The following ARHGEF37 variants were observed in gnomAD, a reference collection of about 807,000 sequenced individuals.
The protein encoded by ARHGEF37 is Rho guanine nucleotide exchange factor 37.
Under a neutral mutation model 71.1 loss-of-function variants are expected in ARHGEF37, and 55 were observed. That is an observed-to-expected ratio of 0.77 (90% CI 0.62 to 0.97). The LOEUF (loss-of-function observed/expected upper bound fraction) is 0.97. Ranked by LOEUF, ARHGEF37 falls within the 50% of genes least tolerant of loss-of-function variation. ARHGEF37 has a pLI of 0.00. For missense variants in ARHGEF37, 765 were observed against 836.8 expected (o/e 0.91, Z 1.06); for synonymous variants, 327 against 350.6 (o/e 0.93, Z 0.75).
At chr5:149,609,269 T>G (rs761915204) in intron 3 of ARHGEF37, among the ~76,000 whole-genome samples, 23 of 152,226 alleles carry the variant, frequency 1.5e-4, no homozygotes, top group Non-Finnish European at 3.2e-4. Context: ...TGAGCATTAT[T>G]AATATTCCTG....
chr5:149,601,073 C>T (rs1228469451), intron 2 of ARHGEF37, 35 bp from the exon 3 acceptor site: 4 of 1,596,508 alleles, frequency 2.5e-6, no homozygotes, highest in Non-Finnish European at 3.4e-6. Context: ...TATGGAACTC[C>T]CAACCACCTC....
At chr5:149,601,404 A>G (rs1169010453) in intron 3 of ARHGEF37, among the ~76,000 whole-genome samples, 173 bp downstream of exon 3, 2 of 152,144 alleles carry the variant, frequency 1.3e-5, no homozygotes, top group Non-Finnish European at 2.9e-5. Context: ...TCAAATAACA[A>G]CTAGTCCAGT....
chr5:149,575,136 C>T (rs1482975098), intron 1 of ARHGEF37, among the ~76,000 whole-genome samples: 2 of 152,220 alleles, frequency 1.3e-5, no homozygotes, highest in Non-Finnish European at 2.9e-5. Context: ...ACTGAACAAT[C>T]CATGCAGATC....
At position 149,609,527 on chromosome 5, in the gene ARHGEF37, T is replaced by C. The variant is rs781000529; in HGVS notation, c.311-21T>C. ...ACACAGACATGCCCTTGACGACCCC[T>C]TGTTGCGTCTTCACTCTCAGGTAAC... is the stretch of plus-strand genomic sequence containing the variant. On this transcript the variant is annotated intron_variant, in intron 3 of 12. Transcript: ENST00000333677. 1.7e-5 allele frequency: 28 copies of C among 1,613,238 alleles called. No individual in the cohort carries two copies. In the South Asian group the frequency reaches 2.7e-4, roughly 16 times the overall value.
At chr5:149,589,766 G>A (rs759317328) in intron 1 of ARHGEF37, among the ~76,000 whole-genome samples, 9 of 151,872 alleles carry the variant, frequency 5.9e-5, no homozygotes, top group South Asian at 2.1e-4. Context: ...TGATCCTCCC[G>A]TCTTGGCCTC....
Position 149,616,448 on chromosome 5 carries a change from G to T in ARHGEF37, c.459-119G>T. On this transcript the variant is annotated intron_variant, in intron 4 of 12. Transcript: ENST00000333677. ...ATGAGGAACTGGAGGATCGCAGAGA[G>T]GGGGTGACTTGCCTGAGATCACACA... is the stretch of plus-strand genomic sequence containing the variant. 4.5e-6 allele frequency: 4 copies of T among 892,998 alleles called. No individual in the cohort carries two copies. In the Admixed American group the frequency reaches 8.2e-5, roughly 18 times the overall value. 55.3% of individuals were successfully genotyped at this position (892,998 alleles called of 1,614,324 possible). A position where few individuals can be genotyped will look rare whatever the true frequency, so the allele number is the denominator to read the frequency against.
intron 1 of ARHGEF37, among the ~76,000 whole-genome samples, chr5:149,588,867 C>T (rs1449023236): frequency 6.6e-6 from 1 of 152,210 alleles, no homozygotes; most frequent in East Asian, 1.9e-4. Context: ...TCTGAAAGAA[C>T]TTTCAAATGA....
upstream of ARHGEF37, among the ~76,000 whole-genome samples, chr5:149,580,351 G>A (rs372043506): frequency 3.4e-4 from 52 of 152,090 alleles, no homozygotes; most frequent in Admixed American, 2.9e-3. Flanking sequence ...GTGAGCCACC[G>A]CGCCCGGCAC....
In ARHGEF37 at chr5:149,624,027, G is replaced by A. The variant is rs200439928; in HGVS notation, c.1351G>A (p.Val451Ile). Residue 451 changes from valine to isoleucine, a missense_variant, in exon 10 of 13, where the codon GTC (valine) becomes ATC (isoleucine). Physicochemically the swap from Val to Ile is conservative, Grantham distance 29. Around this residue, in one of 5 missense-constraint regions of ARHGEF37, gnomAD observed 390 missense variants for 407.4 expected, o/e 0.96. Transcript: ENST00000333677. ...CCCCACTTAGCTGCCCCACCACCAC[G>A]TCCCAGAGCCTGCCTTCAGGAAGCT... ...GSMAQLPHHH[V>I]PEPAFRKLVE... 1.8e-5 allele frequency: 29 copies of A among 1,600,514 alleles called. No individual in the cohort carries two copies. Among genetic ancestry groups the A allele is most frequent in the Middle Eastern group, 1.7e-4 (1 of 6,036 alleles).
rs1460630194 is a variant in ARHGEF37, at chr5:149,633,528, G to A, written c.*1337G>A. 6.6e-6 allele frequency: 1 copy of A among 152,266 alleles called. No individual in the cohort carries two copies. 9.4% of individuals were successfully genotyped at this position (152,266 alleles called of 1,614,324 possible). A position where few individuals can be genotyped will look rare whatever the true frequency, so the allele number is the denominator to read the frequency against. ...AGGAGGACTGACCTGCTGGGGCAAT[G>A]TTGGGTGCAGTGCAGTCCCTGCTTG... On this transcript the variant is annotated 3_prime_UTR_variant, in exon 13 of 13. Transcript: ENST00000333677.
chr5:149,627,329 C>T lies in ARHGEF37; in HGVS notation c.1660+58C>T, dbSNP rs566534454. 3.8e-5 allele frequency: 60 copies of T among 1,559,496 alleles called. No homozygotes were observed. In the East Asian group the frequency reaches 4.7e-4, roughly 12 times the overall value. ...TCGGGGAAAACCACCCCACAGAAGC[C>T]GGTGCAGAGACCCGGGCACTCTTGT... On this transcript the variant is annotated intron_variant, in intron 11 of 12. Transcript: ENST00000333677.
rs1341685421 is a variant in ARHGEF37, at chr5:149,632,193, G to A, written c.*2G>A. The A allele has an allele frequency of 1.2e-6, 2 of 1,613,846 alleles. No homozygotes were observed. Among genetic ancestry groups the A allele is most frequent in the Non-Finnish European group, 1.7e-6 (2 of 1,179,844 alleles). ...TGGGGCTGGAGTCTGCCCTCTTAGG[G>A]TACCCTCTTTGGAGCCTACATTGCC... On this transcript the variant is annotated 3_prime_UTR_variant, in exon 13 of 13. Transcript: ENST00000333677.
chr5:149,610,725 G>A (rs1479243109), intron 4 of ARHGEF37, among the ~76,000 whole-genome samples: 8 of 152,282 alleles, frequency 5.3e-5, no homozygotes, highest in Non-Finnish European at 1.0e-4. Context: ...CAGATATAAA[G>A]GGAAGCAAGG....
intron 9 of ARHGEF37, among the ~76,000 whole-genome samples, chr5:149,623,709 A>G (rs1205847429): frequency 6.6e-6 from 1 of 152,128 alleles, no homozygotes; most frequent in Admixed American, 6.5e-5. Flanking sequence ...GTCCCTGTGG[A>G]GCCTGGAAAA....
chr5:149,623,206 A>C (rs944355427), intron 9 of ARHGEF37, among the ~76,000 whole-genome samples: 1 of 152,124 alleles, frequency 6.6e-6, no homozygotes, highest in African/African-American at 2.4e-5. Context: ...CCATCTCCTG[A>C]GGGGGAGAAG....
intron 10 of ARHGEF37, among the ~76,000 whole-genome samples, chr5:149,626,047 T>C (rs1484334080): frequency 1.3e-5 from 2 of 152,202 alleles, no homozygotes; most frequent in African/African-American, 2.4e-5. Context: ...CAAAGAAAAC[T>C]ACCTCGTCTC....
intron 1 of ARHGEF37, among the ~76,000 whole-genome samples, chr5:149,589,530 C>G (rs377492639): frequency 1.3e-5 from 2 of 151,960 alleles, no homozygotes; most frequent in African/African-American, 4.8e-5. Context: ...ACACAGTTTC[C>G]CTCTTGTTGC....
At chr5:149,575,671 ATTT>A (rs751297275) in intron 1 of ARHGEF37, among the ~76,000 whole-genome samples, 4 of 107,284 alleles carry the variant, frequency 3.7e-5, no homozygotes, top group Non-Finnish European at 7.8e-5. Context: ...CCAAATGACT[ATTT>A]TTTTTTTTTT....
intron 10 of ARHGEF37, among the ~76,000 whole-genome samples, chr5:149,625,694 C>T (rs778296159): frequency 5.9e-5 from 9 of 152,190 alleles, no homozygotes; most frequent in South Asian, 4.1e-4. Flanking sequence ...GGAGAGAGCA[C>T]GGGTGCAGAG....
Sources: gnomAD v4.1 joint callset for allele counts (sites outside exome capture counted in the v4.1 genomes callset) on GRCh38, gnomAD v4.1.1 for gene constraint, gnomAD v4.1.1 regional missense constraint, MANE v1.5 for transcripts, NCBI Gene and HGNC (gene_info 2026-07-23, HGNC 2026-07-21) for gene names.